Variants in ATG4B observed in about 807,000 individuals in gnomAD.
The protein encoded by ATG4B is autophagy related 4B cysteine peptidase.
Under a neutral mutation model 56.6 loss-of-function variants are expected in ATG4B, and 29 were observed. That is an observed-to-expected ratio of 0.51 (90% CI 0.38 to 0.70). The LOEUF is 0.70. Among genes scored for constraint, ATG4B ranks in the 30% least tolerant of loss-of-function variants. ATG4B has a pLI of 0.00. For missense variants in ATG4B, 461 were observed against 515.5 expected (o/e 0.89, Z 1.02); for synonymous variants, 224 against 206.1 (o/e 1.09, Z -0.74).
chr2:241,666,516 T>G, intron 7 of ATG4B, 129 bp from the exon 8 acceptor site: 1 of 982,412 alleles, frequency 1.0e-6, no homozygotes. Flanking sequence ...TTTCCAAGTT[T>G]GAATTTCACT....
chr2:241,653,108 T>C (rs1575068855), intron 3 of ATG4B, among the ~76,000 whole-genome samples: 1 of 152,258 alleles, frequency 6.6e-6, no homozygotes, highest in Non-Finnish European at 1.5e-5. Context: ...TTGCTGCCCT[T>C]GCGGCCCTTC....
At chr2:241,643,693 T>TCCC (rs1559248159) in intron 1 of ATG4B, among the ~76,000 whole-genome samples, 1 of 108,098 alleles carries the variant, frequency 9.3e-6, no homozygotes, top group African/African-American at 4.8e-5. Context: ...TGTATATATT[T>TCCC]TCCCCCCCCC....
intron 1 of ATG4B, among the ~76,000 whole-genome samples, chr2:241,640,200 C>T (rs1253556725): frequency 1.3e-5 from 2 of 152,228 alleles, no homozygotes; most frequent in Non-Finnish European, 2.9e-5. Context: ...TTTCCCTTGA[C>T]AACTGTGTTG....
rs1299880380 is a variant in ATG4B, at chr2:241,653,610, G to A, written c.283G>A (p.Asp95Asn). The A allele has an allele frequency of 6.4e-7, 1 of 1,562,762 alleles. No homozygotes were observed. Among genetic ancestry groups the A allele is most frequent in the Non-Finnish European group, 8.7e-7 (1 of 1,153,160 alleles). The change falls in exon 4 of 13, where the codon GAT becomes AAT. Residue 95 changes from aspartate to asparagine, a missense_variant and splice_region_variant. Physicochemically the swap from Asp to Asn is conservative, Grantham distance 23 (BLOSUM62 1). Transcript: ENST00000404914. ...QALVCRHLGR[D>N]WRWTQRKRQP... ...CCTGGTGTGCCGGCACCTAGGCCGA[G>A]GTGAGTCACAGCCCTGGGGAGGGCG...
At chr2:241,640,406 C>T (rs141078351) in intron 1 of ATG4B, among the ~76,000 whole-genome samples, 1 of 152,212 alleles carries the variant, frequency 6.6e-6, no homozygotes, top group Non-Finnish European at 1.5e-5. Context: ...CTCCTTTGAT[C>T]TCTAGAGTTC....
Position 241,671,842 on chromosome 2 carries a change from C to T in ATG4B, c.1109-349C>T, listed in dbSNP as rs555465553. 40 of 1,278,940 alleles carry T rather than the reference C, an allele frequency of 3.1e-5. No homozygotes were observed. In the East Asian group the frequency reaches 4.9e-4, roughly 16 times the overall value. 79.2% of individuals were successfully genotyped at this position (1,278,940 alleles called of 1,614,324 possible). A position where few individuals can be genotyped will look rare whatever the true frequency, so the allele number is the denominator to read the frequency against. ...GTGCAGTGAAGTGAGTGGCCGTGAG[C>T]GCGTCCTCCTCATCTCTGTCTCCCT... On this transcript the variant is annotated intron_variant, in intron 12 of 12. Transcript: ENST00000404914.
At chr2:241,641,364 C>CA (rs1186407590) in intron 1 of ATG4B, among the ~76,000 whole-genome samples, 2 of 152,272 alleles carry the variant, frequency 1.3e-5, no homozygotes, top group Middle Eastern at 3.4e-3. Flanking sequence ...TCCTGGCTAA[C>CA]ACGGTGAAAC....
At position 241,653,371 on chromosome 2, in the gene ATG4B, T is replaced by G. The variant is rs1320611703; in HGVS notation, c.185-141T>G. 1.9e-6 allele frequency: 3 copies of G among 1,550,148 alleles called. No individual in the cohort carries two copies. The Admixed American group carries it at 5.9e-5, about 30-fold the overall frequency. On this transcript the variant is annotated intron_variant, in intron 3 of 12. Transcript: ENST00000404914. The stretch of plus-strand genomic sequence containing the variant: ...CTTGGCGTTACTGAGTCCTAAGAGG[T>G]GTGTGTTGCCCCAGGTGGAGCTGAT...
At position 241,671,400 on chromosome 2, in the gene ATG4B, C is replaced by CCCTA; in HGVS notation, c.1104_1107dup (p.Asp370ProfsTer5). ...GCCTGCCCCGACGTCCTGAACCTGT[C>CCCTA]CCTAGGTGAGAGCTGCCAAGTCCAG... On this transcript the variant is annotated frameshift_variant, in exon 12 of 13. Coordinates refer to ENST00000404914, the MANE Select transcript of ATG4B (RefSeq NM_013325.5). LOFTEE classifies it high-confidence loss of function. 6.2e-7 allele frequency: 1 copy of CCCTA among 1,613,602 alleles called. No individual in the cohort carries two copies. Among genetic ancestry groups the CCCTA allele is most frequent in the Non-Finnish European group, 8.5e-7 (1 of 1,179,830 alleles).
intron 1 of ATG4B, among the ~76,000 whole-genome samples, chr2:241,650,686 C>T (rs1004333365): frequency 2.6e-5 from 4 of 152,102 alleles, no homozygotes; most frequent in African/African-American, 4.8e-5. Context: ...TGGCCCCTAA[C>T]TTGGCCTCTC....
At position 241,668,023 on chromosome 2, in the gene ATG4B, C is replaced by T; in HGVS notation, c.733-120C>T. 2.2e-6 allele frequency: 2 copies of T among 901,448 alleles called. No individual in the cohort carries two copies. Among genetic ancestry groups the T allele is most frequent in the Non-Finnish European group, 3.4e-6 (2 of 593,780 alleles). 55.8% of individuals were successfully genotyped at this position (901,448 alleles called of 1,614,324 possible). ...AAGCTCTTTGGTACCATGTCCCCTC[C>T]TGTCCCCTCTTGTGTCACCCAGTTG... On this transcript the variant is annotated intron_variant, in intron 8 of 12. Transcript: ENST00000404914. The surrounding 1 kb of genome is among the most constrained non-coding windows in gnomAD (Gnocchi z 4.2).
rs766529063 is a variant in ATG4B, at chr2:241,666,851, G to C, written c.732+13G>C. 2 of 1,548,744 alleles carry C rather than the reference G, an allele frequency of 1.3e-6. No homozygotes were observed. The highest frequency in any genetic ancestry group is 1.7e-6 in the Non-Finnish European group (2 of 1,147,264). On this transcript the variant is annotated intron_variant, in intron 8 of 12. Coordinates refer to ENST00000404914, the MANE Select transcript of ATG4B (RefSeq NM_013325.5). ...GGAGACGCTGAAGGTGGGTCCTGCCGTGCGGCGCTTGCCCTGAGTCCCCGT... is the reference window on the plus strand; with the variant it reads ...GGAGACGCTGAAGGTGGGTCCTGCCCTGCGGCGCTTGCCCTGAGTCCCCGT...
chr2:241,637,835 C>A, intron 1 of ATG4B, 111 bp downstream of exon 1: 1 of 1,294,160 alleles, frequency 7.7e-7, no homozygotes, highest in East Asian at 3.1e-5. Context: ...CCGGTGCGGG[C>A]CAGGCTGGGC....
chr2:241,671,348 C>A lies in ATG4B; in HGVS notation c.1051C>A (p.Leu351Met). The A allele has an allele frequency of 6.2e-7, 1 of 1,613,632 alleles. No individual in the cohort carries two copies. The highest frequency in any genetic ancestry group is 8.5e-7 in the Non-Finnish European group (1 of 1,179,802). ...LLGGALPMFE[L>M]VELQPSHLAC... is the part of the protein sequence containing the mutation. ...TGGAGGTGCCCTGCCCATGTTTGAGCTGGTGGAGCTGCAGCCTTCACATCT... is the reference window on the plus strand; with the variant it reads ...TGGAGGTGCCCTGCCCATGTTTGAGATGGTGGAGCTGCAGCCTTCACATCT... The change falls in exon 12 of 13, where the codon CTG becomes ATG. Residue 351 changes from leucine (L) to methionine (M), a missense_variant. By Grantham distance (15) the Leu-to-Met change is conservative. Transcript: ENST00000404914.
At position 241,667,475 on chromosome 2, in the gene ATG4B, G is replaced by A. The variant is rs187556381; in HGVS notation, c.732+637G>A. On this transcript the variant is annotated intron_variant, in intron 8 of 12. Coordinates refer to ENST00000404914, the MANE Select transcript of ATG4B (RefSeq NM_013325.5). ...AAAAATTAGCCGGGCATGGTGGTGC[G>A]CGCCTGTAGTCCCAGCTACACAGGA... 1.2e-3 allele frequency among the ~76,000 whole-genome samples: 188 copies of A among 151,824 alleles called. 1 individual carries two copies. Among genetic ancestry groups the A allele is most frequent in the African/African-American group, 3.5e-3 (143 of 41,402 alleles).
intron 7 of ATG4B, among the ~76,000 whole-genome samples, chr2:241,663,873 G>C (rs149835401): frequency 1.3e-5 from 2 of 150,994 alleles, no homozygotes; most frequent in Non-Finnish European, 2.9e-5. Context: ...GTGGTGGCAC[G>C]ATCTTGGCTC....
intron 7 of ATG4B, chr2:241,659,511 T>A: frequency 5.1e-6 from 2 of 391,680 alleles, no homozygotes; most frequent in Non-Finnish European, 1.0e-5. Context: ...GGTGAAGTTA[T>A]TTTGCGTGCC....
Position 241,668,906 on chromosome 2 carries a change from C to T in ATG4B, c.957+221C>T, listed in dbSNP as rs1299539855. The T allele has an allele frequency of 2.2e-5, 14 of 633,908 alleles. No homozygotes were observed. Among genetic ancestry groups the T allele is most frequent in the East Asian group, 5.7e-5 (2 of 34,832 alleles). The allele number at this position is 633,908 out of a possible 1,614,324, so 39.3% of individuals were successfully genotyped here. A position where few individuals can be genotyped will look rare whatever the true frequency, so the allele number is the denominator to read the frequency against. ...CCTCCTGTGCAGCCTTCATGGCCTT[C>T]GAGTGGCCCAGAGAGCGTGTGTCTG... is the stretch of plus-strand genomic sequence containing the variant. On this transcript the variant is annotated intron_variant, in intron 10 of 12. Transcript: ENST00000404914. This position sits in a 1 kb window ranked among gnomAD's most constrained non-coding sequence, Gnocchi z 4.2.
rs956704722 is a variant in ATG4B, at chr2:241,671,260, C to T, written c.1015-52C>T. On this transcript the variant is annotated intron_variant, in intron 11 of 12. Transcript: ENST00000404914. ...GGCCGGCTGGCCCCTTTCTCTTGGCCGCAGCAAGCACTGGGGTGAGGCTGC... is the reference window on the plus strand; with the variant it reads ...GGCCGGCTGGCCCCTTTCTCTTGGCTGCAGCAAGCACTGGGGTGAGGCTGC... 1.2e-4 allele frequency: 189 copies of T among 1,518,990 alleles called. 1 individual carries two copies. In the South Asian group the frequency reaches 1.6e-3, roughly 13 times the overall value. The allele number at this position is 1,518,990 out of a possible 1,614,324, so 94.1% of individuals were successfully genotyped here.
Sources: allele counts gnomAD v4.1 joint callset (sites outside exome capture counted in the v4.1 genomes callset), GRCh38; gene constraint gnomAD v4.1.1; non-coding constraint Gnocchi (gnomAD v3.1); transcripts MANE v1.5; gene names NCBI Gene and HGNC (gene_info 2026-07-23, HGNC 2026-07-21).